GMDS: variants seen among roughly 807,000 people sequenced by gnomAD.
The protein encoded by GMDS is GDP-mannose 4,6-dehydratase.
In GMDS, 20 loss-of-function variants were observed where a neutral mutation model predicts 49.9. The observed-to-expected ratio is 0.40, with a 90% CI of 0.28 to 0.58. GMDS has a LOEUF of 0.58. Ranked by LOEUF, GMDS falls within the 20% of genes least tolerant of loss-of-function variation. The probability of loss-of-function intolerance (pLI) is 0.42; values close to 1 mark genes in which losing one functional copy is unlikely to be tolerated. For missense variants in GMDS, 362 were observed against 481.4 expected (o/e 0.75, Z 2.32); for synonymous variants, 177 against 178.6 (o/e 0.99, Z 0.07).
intron 7 of GMDS, among the ~76,000 whole-genome samples, chr6:1,745,205 ACTT>A (rs1767436499): frequency 6.6e-6 from 1 of 152,212 alleles, no homozygotes; most frequent in African/African-American, 2.4e-5. Flanking sequence ...AGCTTATTTT[ACTT>A]CTTTAGAAAC....
chr6:1,814,646 A>T (rs762871748), intron 7 of GMDS, among the ~76,000 whole-genome samples: 17 of 152,234 alleles, frequency 1.1e-4, no homozygotes, highest in Admixed American at 2.6e-4. Flanking sequence ...ATGAAGAAAT[A>T]TCACATGGAT....
intron 4 of GMDS, among the ~76,000 whole-genome samples, chr6:2,104,920 C>A (rs141709602): frequency 2.6e-5 from 4 of 152,040 alleles, no homozygotes; most frequent in Non-Finnish European, 2.9e-5. Context: ...CGGTGGCTCA[C>A]GCCTATAATC....
At chr6:2,115,918 G>A (rs533417315) in intron 3 of GMDS, 38 bp from the exon 4 acceptor site, 1 of 1,116,422 alleles carries the variant, frequency 9.0e-7, no homozygotes, top group South Asian at 1.3e-5. Context: ...ATAGAGAAAA[G>A]CAACATAAGC....
intron 1 of GMDS, among the ~76,000 whole-genome samples, chr6:2,188,049 T>C (rs1323873403): frequency 6.6e-6 from 1 of 152,230 alleles, no homozygotes; most frequent in African/African-American, 2.4e-5. Context: ...TGTTAATAAC[T>C]GACAAGTCAA....
intron 7 of GMDS, among the ~76,000 whole-genome samples, chr6:1,831,676 T>C (rs1668072780): frequency 6.6e-6 from 1 of 152,202 alleles, no homozygotes; most frequent in South Asian, 2.1e-4. Context: ...TTATAAAATC[T>C]TGAAAATTCT....
intron 4 of GMDS, among the ~76,000 whole-genome samples, chr6:2,030,042 C>G (rs555824958): frequency 6.6e-6 from 1 of 151,988 alleles, no homozygotes; most frequent in Admixed American, 6.6e-5. Context: ...GAAGACAGTC[C>G]AGAGAAGGGG....
chr6:2,110,215 C>T (rs934041363), intron 4 of GMDS, among the ~76,000 whole-genome samples: 4 of 151,674 alleles, frequency 2.6e-5, no homozygotes, highest in African/African-American at 9.7e-5. Flanking sequence ...TAATGCAATT[C>T]TCCCAATGTA....
intron 9 of GMDS, among the ~76,000 whole-genome samples, chr6:1,720,640 C>T (rs182520534): frequency 1.3e-5 from 2 of 152,302 alleles, no homozygotes; most frequent in East Asian, 3.9e-4. Context: ...AGGGACCTTA[C>T]AGAACGAGTA....
intron 9 of GMDS, among the ~76,000 whole-genome samples, chr6:1,631,190 C>G (rs891864159): frequency 1.2e-4 from 18 of 152,184 alleles, no homozygotes; most frequent in African/African-American, 2.4e-5. Flanking sequence ...TTTCTACCCT[C>G]AAAGCGCTTT....
At chr6:2,174,076 TACGAA>T (rs1778150433) in intron 1 of GMDS, among the ~76,000 whole-genome samples, 2 of 152,196 alleles carry the variant, frequency 1.3e-5, no homozygotes, top group African/African-American at 4.8e-5. Flanking sequence ...AATTACAGGC[TACGAA>T]CAGTAACTAA....
intron 4 of GMDS, among the ~76,000 whole-genome samples, chr6:2,064,900 G>A (rs1316706567): frequency 6.6e-6 from 1 of 152,170 alleles, no homozygotes; most frequent in Non-Finnish European, 1.5e-5. Context: ...CAATAGTACT[G>A]TTATGGATAA....
At chr6:1,687,287 C>A (rs1017078567) in intron 9 of GMDS, among the ~76,000 whole-genome samples, 3 of 152,234 alleles carry the variant, frequency 2.0e-5, no homozygotes, top group Admixed American at 2.0e-4. Flanking sequence ...GCACCTGCTA[C>A]CTAGACTCTC....
At chr6:1,687,043 G>A (rs1029252719) in intron 9 of GMDS, among the ~76,000 whole-genome samples, 1 of 152,114 alleles carries the variant, frequency 6.6e-6, no homozygotes, top group East Asian at 1.9e-4. Context: ...AAAATCACAA[G>A]TAGGACTGGA....
At position 1,655,795 on chromosome 6, in the gene GMDS, G is replaced by A. The variant is rs147083999; in HGVS notation, c.988-31255C>T. On this transcript the variant is annotated intron_variant, in intron 9 of 10. Coordinates refer to ENST00000380815, the MANE Select transcript of GMDS (RefSeq NM_001500.4). ...GCTGGGATTACAGGTGTGAGCCACCGCGCCTGGCTGTCTTTAACATATTTT... is the reference window on the plus strand; with the variant it reads ...GCTGGGATTACAGGTGTGAGCCACCACGCCTGGCTGTCTTTAACATATTTT... Among the ~76,000 whole-genome samples the A allele has an allele frequency of 1.4e-4, 22 of 152,248 alleles. No homozygotes were observed. In the East Asian group the frequency reaches 1.5e-3, roughly 11 times the overall value.
chr6:1,908,193 C>T lies in GMDS; in HGVS notation c.771+21910G>A, dbSNP rs184416457. On this transcript the variant is annotated intron_variant, in intron 7 of 10. Coordinates refer to ENST00000380815, the MANE Select transcript of GMDS (RefSeq NM_001500.4). Reference sequence around the variant, plus strand: ...ACCGGACAAAGGAATGGTTCACGTCCGGGCAGAACGAAGTGGGATGGTGTG... The same window carrying T: ...ACCGGACAAAGGAATGGTTCACGTCTGGGCAGAACGAAGTGGGATGGTGTG... Among the ~76,000 whole-genome samples, 375 of 152,250 alleles carry T rather than the reference C, an allele frequency of 2.5e-3. 5 individuals are homozygous for T. Among genetic ancestry groups the T allele is most frequent in the African/African-American group, 8.6e-3 (357 of 41,528 alleles).
At chr6:1,891,242 A>G (rs1170339351) in intron 7 of GMDS, among the ~76,000 whole-genome samples, 3 of 152,168 alleles carry the variant, frequency 2.0e-5, no homozygotes, top group African/African-American at 7.2e-5. Flanking sequence ...CATTATATCA[A>G]ATCAAATCCT....
intron 4 of GMDS, among the ~76,000 whole-genome samples, chr6:2,073,275 A>C (rs1487546884): frequency 6.6e-6 from 1 of 152,244 alleles, no homozygotes; most frequent in Non-Finnish European, 1.5e-5. Context: ...GCAGAATAAA[A>C]AGAAGCCACT....
chr6:2,236,731 A>C (rs1163479403), intron 1 of GMDS, among the ~76,000 whole-genome samples: 1 of 152,236 alleles, frequency 6.6e-6, no homozygotes, highest in Middle Eastern at 3.2e-3. Context: ...TAGAAAAATC[A>C]TGTTTTGATT....
At chr6:2,239,273 G>T (rs1253820264) in intron 1 of GMDS, among the ~76,000 whole-genome samples, 1 of 149,344 alleles carries the variant, frequency 6.7e-6, no homozygotes, top group Non-Finnish European at 1.5e-5. Context: ...ATGTTGCAGT[G>T]AGTGAGATCA....
Sources: allele counts gnomAD v4.1 joint callset (sites outside exome capture counted in the v4.1 genomes callset), GRCh38; gene constraint gnomAD v4.1.1; transcripts MANE v1.5; gene names NCBI Gene and HGNC (gene_info 2026-07-23, HGNC 2026-07-21).